The following PCDHA1 variants were observed in gnomAD, a reference collection of about 807,000 sequenced individuals.
The protein encoded by PCDHA1 is protocadherin alpha-1.
In PCDHA1, 42 loss-of-function variants were observed where a neutral mutation model predicts 61.3. The ratio of observed to expected loss-of-function variants is 0.69; its 90% CI spans 0.54 to 0.89. The LOEUF (loss-of-function observed/expected upper bound fraction) is 0.89, where lower values mean the gene tolerates loss of function less well. PCDHA1 is among the 40% of genes least tolerant of loss of function. The pLI is 0.00. For missense variants in PCDHA1, 1,256 were observed against 1,235.3 expected (o/e 1.02, Z -0.25); for synonymous variants, 610 against 553.8 (o/e 1.10, Z -1.43).
chr5:140,829,877 G>C, intron 1 of PCDHA1: 1 of 1,613,956 alleles, frequency 6.2e-7, no homozygotes, highest in East Asian at 2.2e-5. Flanking sequence ...GAAGGTGCGC[G>C]CAGTTGACGC....
chr5:140,892,468 C>T (rs1184778883), intron 1 of PCDHA1, among the ~76,000 whole-genome samples: 10 of 152,150 alleles, frequency 6.6e-5, no homozygotes, highest in Admixed American at 3.3e-4. Flanking sequence ...TACGGTTATT[C>T]AGTTTCCTAG....
chr5:141,008,299 C>G (rs1223779122), intron 3 of PCDHA1, among the ~76,000 whole-genome samples: 9 of 152,238 alleles, frequency 5.9e-5, no homozygotes, highest in Non-Finnish European at 1.2e-4. Context: ...TGTACCCAAC[C>G]CTAAACTGTA....
chr5:140,877,195 G>A, intron 1 of PCDHA1: 2 of 1,613,838 alleles, frequency 1.2e-6, no homozygotes, highest in East Asian at 2.2e-5. Context: ...CAGCGCAGGA[G>A]GCGCAGTTAG....
chr5:140,914,126 G>T (rs2076615202), intron 1 of PCDHA1, among the ~76,000 whole-genome samples: 1 of 152,132 alleles, frequency 6.6e-6, no homozygotes, highest in Non-Finnish European at 1.5e-5. Context: ...ATGTTTCTTT[G>T]TTGAGTTTTT....
In PCDHA1 at chr5:140,936,292, T is replaced by C. The variant is rs74627153; in HGVS notation, c.2395-42657T>C. Among the ~76,000 whole-genome samples the C allele has an allele frequency of 4.3e-3, 649 of 152,348 alleles. 6 individuals are homozygous for C. Among genetic ancestry groups the C allele is most frequent in the African/African-American group, 0.013 (538 of 41,592 alleles). On this transcript the variant is annotated intron_variant, in intron 1 of 3. Transcript: ENST00000504120. Reference sequence around the variant, plus strand: ...TATTCCTGTGTTTTCTTCTATAACATTGCTATCCAATAGAACTTTCTGACA... The same window carrying C: ...TATTCCTGTGTTTTCTTCTATAACACTGCTATCCAATAGAACTTTCTGACA...
rs146522449 is a variant in PCDHA1, at chr5:140,877,816, G to A, written c.2394+89132G>A. ...CCCAAGCCTTCAGCTGTCTCGAGAA[G>A]ATTGTTTAAATCCTCCCAGTGAAGT... On this transcript the variant is annotated intron_variant, in intron 1 of 3. Coordinates refer to ENST00000504120, the MANE Select transcript of PCDHA1 (RefSeq NM_018900.4). The A allele has an allele frequency of 2.8e-3, 4,449 of 1,609,310 alleles. 21 individuals carry two copies. Among genetic ancestry groups the A allele is most frequent in the African/African-American group, 0.01 (772 of 74,842 alleles).
Position 140,786,381 on chromosome 5 carries a change from C to A in PCDHA1, c.91C>A (p.Leu31Ile), listed in dbSNP as rs781949251. 6.2e-7 allele frequency: 1 copy of A among 1,613,724 alleles called. No homozygotes were observed. Residue 31 changes from leucine (L) to isoleucine (I), a missense_variant, in exon 1 of 4, where the codon CTC becomes ATC. Coordinates refer to ENST00000504120, the MANE Select transcript of PCDHA1 (RefSeq NM_018900.4). ...AGCCTGGGAGGTGGGGAGCGGCCAG[C>A]TCCACTACTCGATCCCGGAGGAAGC... ...LAAWEVGSGQ[L>I]HYSIPEEAKH...
intron 1 of PCDHA1, chr5:140,857,407 G>C (rs372428918): frequency 6.3e-7 from 1 of 1,598,496 alleles, no homozygotes; most frequent in Admixed American, 1.7e-5. Context: ...ACGCGCCTGC[G>C]TTCGCGCAGT....
chr5:140,871,272 G>C lies in PCDHA1; in HGVS notation c.2394+82588G>C, dbSNP rs782818690. Reference sequence around the variant, plus strand: ...TGCTGTATACGGCGCTGTGGTGGTCGGCAACGCCCACTGAGGGCGCGTGCG... The same window carrying C: ...TGCTGTATACGGCGCTGTGGTGGTCCGCAACGCCCACTGAGGGCGCGTGCG... On this transcript the variant is annotated intron_variant, in intron 1 of 3. Coordinates refer to ENST00000504120, the MANE Select transcript of PCDHA1 (RefSeq NM_018900.4). 25 of 1,613,826 alleles carry C rather than the reference G, an allele frequency of 1.5e-5. No individual in the cohort carries two copies. The East Asian group carries it at 5.1e-4, about 33-fold the overall frequency.
intron 1 of PCDHA1, chr5:140,875,581 G>A (rs1158750138): frequency 6.8e-6 from 11 of 1,613,944 alleles, no homozygotes; most frequent in African/African-American, 4.0e-5. Context: ...CTCCGTCTAC[G>A]AGGAGGCCAA....
intron 1 of PCDHA1, chr5:140,807,465 A>G (rs782581382): frequency 6.2e-7 from 1 of 1,612,204 alleles, no homozygotes; most frequent in Non-Finnish European, 8.5e-7. Flanking sequence ...ATCGACCGGG[A>G]GGAGCTGTGC....
At chr5:140,915,479 G>T (rs1170530979) in intron 1 of PCDHA1, among the ~76,000 whole-genome samples, 1 of 151,948 alleles carries the variant, frequency 6.6e-6, no homozygotes, top group African/African-American at 2.4e-5. Flanking sequence ...AAGGAGCTTG[G>T]GCCTCAATCC....
chr5:140,921,740 C>T (rs923518440), intron 1 of PCDHA1, among the ~76,000 whole-genome samples: 1 of 152,052 alleles, frequency 6.6e-6, no homozygotes, highest in Non-Finnish European at 1.5e-5. Flanking sequence ...AAATTATAAG[C>T]ATAACAGGAC....
chr5:140,968,326 C>G (rs1554230623), intron 1 of PCDHA1: 1 of 1,614,058 alleles, frequency 6.2e-7, no homozygotes, highest in Non-Finnish European at 8.5e-7. Context: ...CAGTCACCTC[C>G]TATGTCTCCA....
chr5:140,968,866 A>G, intron 1 of PCDHA1: 1 of 1,614,230 alleles, frequency 6.2e-7, no homozygotes, highest in Non-Finnish European at 8.5e-7. Flanking sequence ...GCCCTCGGAC[A>G]TACTCTGAAA....
rs1355633400 is a variant in PCDHA1 at position 140,846,435 on chromosome 5, C to G, written c.2394+57751C>G. ...TATCTCCCAGGCTGGAATGCAGTGG[C>G]GCAATCTCGGCTCACTGCAACCTCT... On this transcript the variant is annotated intron_variant, in intron 1 of 3. Transcript: ENST00000504120. Among the ~76,000 whole-genome samples, 18 of 133,632 alleles carry G rather than the reference C, an allele frequency of 1.3e-4. 1 individual carries two copies. Among genetic ancestry groups the G allele is most frequent in the African/African-American group, 4.0e-4 (14 of 35,360 alleles). 87.7% of individuals were successfully genotyped at this position (133,632 alleles called of 152,430 possible).
At chr5:140,981,458 C>T (rs1465511355) in intron 2 of PCDHA1, among the ~76,000 whole-genome samples, 5 of 152,134 alleles carry the variant, frequency 3.3e-5, no homozygotes, top group African/African-American at 4.8e-5. Flanking sequence ...CCTGTAGTCC[C>T]AGCTACTTGG....
At chr5:140,836,286 C>T (rs146878440) in intron 1 of PCDHA1, 2 of 1,613,774 alleles carry the variant, frequency 1.2e-6, no homozygotes, top group South Asian at 1.1e-5. Context: ...CAGCACGACA[C>T]GAGCCCTAGA....
In PCDHA1 at chr5:141,009,914, A is replaced by T; in HGVS notation, c.2830A>T (p.Thr944Ser). The change falls in exon 4 of 4, where the codon ACG (threonine) becomes TCG (serine). Residue 944 changes from threonine (T) to serine (S), a missense_variant. Thr to Ser is a moderately conservative substitution (Grantham distance 58). Coordinates refer to ENST00000504120, the MANE Select transcript of PCDHA1 (RefSeq NM_018900.4). ...GGAGAAAAAAGAGAAAGGGAACAGCACGACTGACAACAGTGACCAGTGAGG... is the reference window on the plus strand; with the variant it reads ...GGAGAAAAAAGAGAAAGGGAACAGCTCGACTGACAACAGTGACCAGTGAGG... ...TQEKKEKGNSTTDNSDQ is the reference protein window; with the variant it reads ...TQEKKEKGNSSTDNSDQ The T allele has an allele frequency of 6.2e-7, 1 of 1,611,466 alleles. No homozygotes were observed. The highest frequency in any genetic ancestry group is 8.5e-7 in the Non-Finnish European group (1 of 1,179,328).
Sources: gnomAD v4.1 joint callset for allele counts (sites outside exome capture counted in the v4.1 genomes callset) on GRCh38, gnomAD v4.1.1 for gene constraint, MANE v1.5 for transcripts, NCBI Gene and HGNC (gene_info 2026-07-23, HGNC 2026-07-21) for gene names.